Variants in LRP5 observed in about 807,000 individuals in gnomAD.
LRP5 encodes low-density lipoprotein receptor-related protein 5.
Under a neutral mutation model 154.1 loss-of-function variants are expected in LRP5, and 62 were observed. The observed-to-expected ratio is 0.40, with a 90% confidence interval of 0.33 to 0.50. The LOEUF (loss-of-function observed/expected upper bound fraction) is 0.50. LRP5 is among the 20% of genes least tolerant of loss of function. The pLI is 0.55. For synonymous variants in LRP5, 966 were observed against 1,011.5 expected, an observed-to-expected ratio of 0.96 and a Z score of 0.85; for missense variants, 1,915 against 2,336.7, an observed-to-expected ratio of 0.82 and a Z score of 3.72.
intron 7 of LRP5, among the ~76,000 whole-genome samples, chr11:68,393,387 C>T (rs1005960846): frequency 6.6e-6 from 1 of 152,200 alleles, no homozygotes; most frequent in Non-Finnish European, 1.5e-5. Context: ...ACTGAGGAAC[C>T]ATTAAACTGT....
intron 1 of LRP5, among the ~76,000 whole-genome samples, chr11:68,334,728 A>T (rs1315236589): frequency 6.6e-6 from 1 of 152,042 alleles, no homozygotes; most frequent in African/African-American, 2.4e-5. Flanking sequence ...TACAGAAATT[A>T]GCCGGTTGTG....
At chr11:68,309,891 C>T (rs2098586752), upstream of LRP5, among the ~76,000 whole-genome samples, 1 of 152,196 alleles carries the variant, frequency 6.6e-6, no homozygotes, top group South Asian at 2.1e-4. Context: ...CAGTCTCATC[C>T]CCACTCAGCA....
intron 5 of LRP5, among the ~76,000 whole-genome samples, chr11:68,369,172 T>C (rs1056626286): frequency 4.6e-4 from 70 of 152,122 alleles, no homozygotes; most frequent in Non-Finnish European, 2.4e-4. Context: ...GACATGTCTT[T>C]TAGTCATCCT....
At chr11:68,349,598 G>A (rs755379551) in intron 2 of LRP5, among the ~76,000 whole-genome samples, 1 of 152,208 alleles carries the variant, frequency 6.6e-6, no homozygotes, top group Non-Finnish European at 1.5e-5. Context: ...TCAGCTCCTA[G>A]TCTGGCTGAG....
intron 7 of LRP5, among the ~76,000 whole-genome samples, chr11:68,395,421 C>T (rs965940173): frequency 6.6e-6 from 1 of 151,932 alleles, no homozygotes; most frequent in Non-Finnish European, 1.5e-5. Flanking sequence ...AAGCTCATTA[C>T]CTGACGATTT....
the LRP5 span, among the ~76,000 whole-genome samples, chr11:68,305,954 G>A: frequency 6.6e-6 from 1 of 152,234 alleles, no homozygotes; most frequent in Non-Finnish European, 1.5e-5. Flanking sequence ...AGAAGTCTGA[G>A]GTGGAGGTGT....
intron 9 of LRP5, among the ~76,000 whole-genome samples, chr11:68,409,095 T>TATATATATATATAC (rs1311618305): frequency 1.8e-3 from 49 of 27,520 alleles, no homozygotes; most frequent in South Asian, 7.2e-3. Context: ...TATATATATA[T>TATATATATATATAC]ACACACACAT....
chr11:68,349,101 C>A (rs1364566571), intron 2 of LRP5, among the ~76,000 whole-genome samples: 1 of 146,964 alleles, frequency 6.8e-6, no homozygotes, highest in Admixed American at 7.0e-5. Flanking sequence ...GGCACAATCT[C>A]GGCTCACTGC....
chr11:68,301,818 CG>C, the LRP5 span, among the ~76,000 whole-genome samples: 2 of 44,298 alleles, frequency 4.5e-5, 1 homozygote, highest in African/African-American at 2.0e-4. Flanking sequence ...TTAGTAGAGA[CG>C]GGGCTTCACT....
intron 1 of LRP5, among the ~76,000 whole-genome samples, chr11:68,334,522 G>C (rs947298705): frequency 1.3e-5 from 2 of 152,196 alleles, no homozygotes; most frequent in Non-Finnish European, 2.9e-5. Flanking sequence ...GAAACTGTAG[G>C]TACTGCCACA....
upstream of LRP5, among the ~76,000 whole-genome samples, chr11:68,312,049 G>T (rs182651666): frequency 2.7e-4 from 41 of 152,370 alleles, no homozygotes; most frequent in African/African-American, 8.9e-4. Context: ...ACTTTTAGAG[G>T]AGTGTGTCTG....
intron 5 of LRP5, among the ~76,000 whole-genome samples, chr11:68,384,086 G>C (rs1430928282): frequency 6.6e-6 from 1 of 152,174 alleles, no homozygotes; most frequent in African/African-American, 2.4e-5. Flanking sequence ...CCCCAGCCCT[G>C]GGCCCGTGTC....
chr11:68,420,616 A>G (rs1427322230), intron 13 of LRP5, among the ~76,000 whole-genome samples: 1 of 151,884 alleles, frequency 6.6e-6, no homozygotes, highest in Non-Finnish European at 1.5e-5. Flanking sequence ...AGGCAGGAGA[A>G]TCGCTTGTAC....
chr11:68,449,020 T>G lies in LRP5; in HGVS notation c.4798T>G (p.Tyr1600Asp). ...CPPSPATERS[Y>D]FHLFPPPPSP... ...GCCCTCGCCCGCCACCGAGAGGAGC[T>G]ACTTCCATCTCTTCCCGCCCCCTCC... is the stretch of plus-strand genomic sequence containing the variant. Residue 1600 changes from tyrosine to aspartate, a missense_variant, in exon 23 of 23, where the codon TAC (tyrosine) becomes GAC (aspartate). By Grantham distance (160) the Tyr-to-Asp change is radical. This residue lies in a region of LRP5 where 1,094 missense variants were observed against 1,210.1 expected (regional missense o/e 0.90). Transcript: ENST00000294304. 6.3e-7 allele frequency: 1 copy of G among 1,593,766 alleles called. No individual in the cohort carries two copies. The highest frequency in any genetic ancestry group is 1.3e-5 in the African/African-American group (1 of 74,522).
upstream of LRP5, chr11:68,312,507 C>CGGTGCGGGG (rs1332276399): frequency 6.8e-6 from 1 of 147,362 alleles, no homozygotes; most frequent in Non-Finnish European, 1.5e-5. Flanking sequence ...AGGGCGCGGC[C>CGGTGCGGGG]GGTGCGGGGG....
chr11:68,326,091 C>T (rs758232008), intron 1 of LRP5, among the ~76,000 whole-genome samples: 2 of 152,202 alleles, frequency 1.3e-5, no homozygotes, highest in Non-Finnish European at 2.9e-5. Context: ...CAGTCGGTAC[C>T]GAGTGTGCGT....
At chr11:68,385,328 G>C (rs2098642393) in intron 5 of LRP5, among the ~76,000 whole-genome samples, 1 of 152,190 alleles carries the variant, frequency 6.6e-6, no homozygotes, top group East Asian at 1.9e-4. Flanking sequence ...GGCCCTGGGG[G>C]GCAGCAGAGA....
intron 5 of LRP5, among the ~76,000 whole-genome samples, chr11:68,373,428 A>T (rs2098635508): frequency 6.6e-6 from 1 of 152,116 alleles, no homozygotes; most frequent in Non-Finnish European, 1.5e-5. Flanking sequence ...TCAAGGTGGC[A>T]CTATTTACGT....
intron 1 of LRP5, among the ~76,000 whole-genome samples, chr11:68,316,086 G>A (rs570646604): frequency 2.6e-5 from 4 of 152,162 alleles, no homozygotes; most frequent in African/African-American, 7.2e-5. Flanking sequence ...CCCATTACAC[G>A]GTGACTTCCC....
Sources: gnomAD v4.1 joint callset for allele counts (sites outside exome capture counted in the v4.1 genomes callset) on GRCh38, gnomAD v4.1.1 for gene constraint, gnomAD v4.1.1 regional missense constraint, MANE v1.5 for transcripts, NCBI Gene and HGNC (gene_info 2026-07-23, HGNC 2026-07-21) for gene names.